MACROD2: variants seen among roughly 807,000 people sequenced by gnomAD.
MACROD2 encodes mono-ADP ribosylhydrolase 2.
In MACROD2, 36 loss-of-function variants were observed where a neutral mutation model predicts 70.4. That is an observed-to-expected ratio of 0.51 (90% CI 0.39 to 0.68). The LOEUF is 0.68. MACROD2 is among the 30% of genes least tolerant of loss of function. MACROD2 has a pLI of 0.00. For synonymous variants in MACROD2, 172 were observed against 178.8 expected, an observed-to-expected ratio of 0.96 and a Z score of 0.30; for missense variants, 496 against 538.4, an observed-to-expected ratio of 0.92 and a Z score of 0.78.
intron 10 of MACROD2, among the ~76,000 whole-genome samples, chr20:15,908,706 T>G (rs2065186057): frequency 6.6e-6 from 1 of 152,218 alleles, no homozygotes; most frequent in African/African-American, 2.4e-5. Context: ...AAAATGCACC[T>G]TTGCGGTGGT....
At chr20:14,700,792 G>A (rs886568770) in intron 5 of MACROD2, among the ~76,000 whole-genome samples, 1 of 152,034 alleles carries the variant, frequency 6.6e-6, no homozygotes, top group Non-Finnish European at 1.5e-5. Flanking sequence ...ACCAAACATA[G>A]GCATTTTGCT....
At chr20:15,798,918 G>A (rs1377898698) in intron 8 of MACROD2, among the ~76,000 whole-genome samples, 1 of 152,182 alleles carries the variant, frequency 6.6e-6, no homozygotes, top group Non-Finnish European at 1.5e-5. Context: ...TATTTCAGCA[G>A]GACCTTGGCT....
At chr20:15,370,436 C>G (rs1314853709) in intron 6 of MACROD2, among the ~76,000 whole-genome samples, 1 of 152,032 alleles carries the variant, frequency 6.6e-6, no homozygotes, top group Admixed American at 6.6e-5. Flanking sequence ...TGGTGGTGAG[C>G]TGATTGAGAG....
chr20:15,999,603 A>G (rs968598607), intron 15 of MACROD2, among the ~76,000 whole-genome samples: 2 of 152,026 alleles, frequency 1.3e-5, no homozygotes, highest in African/African-American at 4.8e-5. Context: ...ATTGCTATTT[A>G]TTTCTCCTCT....
chr20:14,410,109 G>A (rs2083733925), intron 3 of MACROD2, among the ~76,000 whole-genome samples: 1 of 151,896 alleles, frequency 6.6e-6, no homozygotes, highest in Non-Finnish European at 1.5e-5. Flanking sequence ...GCAAGAGTTT[G>A]TAGATTAATA....
intron 3 of MACROD2, among the ~76,000 whole-genome samples, chr20:14,145,502 T>A (rs1024776759): frequency 1.3e-5 from 2 of 152,218 alleles, no homozygotes; most frequent in African/African-American, 4.8e-5. Context: ...ATCATTATGC[T>A]TGAAATCACT....
intron 8 of MACROD2, among the ~76,000 whole-genome samples, chr20:15,567,233 TTTA>T (rs1443869428): frequency 2.6e-5 from 4 of 152,210 alleles, no homozygotes; most frequent in African/African-American, 9.7e-5. Context: ...TAGTCAAGAC[TTTA>T]TTATTTTATG....
intron 5 of MACROD2, among the ~76,000 whole-genome samples, chr20:15,143,142 T>G (rs541528327): frequency 6.6e-6 from 1 of 152,252 alleles, no homozygotes; most frequent in Admixed American, 6.5e-5. Context: ...TGTAAAAGTG[T>G]TCCCACTTCT....
At chr20:15,807,306 A>G (rs913510067) in intron 8 of MACROD2, among the ~76,000 whole-genome samples, 1 of 152,202 alleles carries the variant, frequency 6.6e-6, no homozygotes, top group East Asian at 1.9e-4. Flanking sequence ...TCGTTAGGCT[A>G]TGATTTTGGT....
intron 5 of MACROD2, among the ~76,000 whole-genome samples, chr20:14,970,372 A>G (rs907395380): frequency 6.6e-6 from 1 of 152,176 alleles, no homozygotes; most frequent in African/African-American, 2.4e-5. Context: ...ATTCATGTTA[A>G]GTCAAAATTA....
chr20:15,843,493 T>C (rs2064197023), intron 8 of MACROD2, among the ~76,000 whole-genome samples: 1 of 152,196 alleles, frequency 6.6e-6, no homozygotes, highest in South Asian at 2.1e-4. Context: ...GCTAAATAAA[T>C]AGGCCTGTTC....
At chr20:15,257,561 G>A (rs2077210158) in intron 6 of MACROD2, among the ~76,000 whole-genome samples, 1 of 152,028 alleles carries the variant, frequency 6.6e-6, no homozygotes, top group African/African-American at 2.4e-5. Flanking sequence ...GGTTAATATT[G>A]ATGGTCCCAT....
intron 8 of MACROD2, among the ~76,000 whole-genome samples, chr20:15,512,048 G>A (rs7346788): frequency 6.6e-6 from 1 of 152,180 alleles, no homozygotes; most frequent in Non-Finnish European, 1.5e-5. Context: ...ATAAGGAAAA[G>A]GCTATGTTAA....
chr20:14,965,624 C>T (rs751331621), intron 5 of MACROD2, among the ~76,000 whole-genome samples: 4 of 138,152 alleles, frequency 2.9e-5, no homozygotes, highest in Non-Finnish European at 6.5e-5. Context: ...CTATGCCCAG[C>T]TAATTTTTTT....
intron 5 of MACROD2, among the ~76,000 whole-genome samples, chr20:14,814,073 A>G (rs775419524): frequency 6.6e-6 from 1 of 152,120 alleles, no homozygotes; most frequent in Non-Finnish European, 1.5e-5. Flanking sequence ...AAAACCAAAT[A>G]GGTATTTCTT....
At chr20:15,980,336 C>T (rs2066379322) in intron 13 of MACROD2, among the ~76,000 whole-genome samples, 1 of 152,146 alleles carries the variant, frequency 6.6e-6, no homozygotes, top group African/African-American at 2.4e-5. Context: ...GGGAGGGTCT[C>T]TCTCTTCCCT....
intron 4 of MACROD2, among the ~76,000 whole-genome samples, chr20:14,527,632 G>A (rs1185343128): frequency 6.6e-6 from 1 of 152,192 alleles, no homozygotes; most frequent in Non-Finnish European, 1.5e-5. Flanking sequence ...TGGGGACAAT[G>A]TCTCACGCTG....
chr20:15,844,862 A>T (rs186050120), intron 8 of MACROD2, among the ~76,000 whole-genome samples: 6 of 152,254 alleles, frequency 3.9e-5, no homozygotes, highest in Non-Finnish European at 5.9e-5. Context: ...TGCCAGCTGC[A>T]TATTTTTTTT....
chr20:15,551,345 A>AT lies in MACROD2; in HGVS notation c.645+51498_645+51499insT, dbSNP rs200266538. On this transcript the variant is annotated intron_variant, in intron 8 of 17. Coordinates refer to ENST00000684519, the MANE Select transcript of MACROD2 (RefSeq NM_001351661.2). ...ATCTCTCATTTAATATTTAAAAAAA[A>AT]AAAAAAACTACATCTCTTGTCTTTT... 2.6e-3 allele frequency among the ~76,000 whole-genome samples: 396 copies of AT among 152,018 alleles called. 9 individuals are homozygous for AT. In the East Asian group the frequency reaches 0.05, roughly 19 times the overall value.
Sources: allele counts gnomAD v4.1 joint callset (sites outside exome capture counted in the v4.1 genomes callset), GRCh38; gene constraint gnomAD v4.1.1; transcripts MANE v1.5; gene names NCBI Gene and HGNC (gene_info 2026-07-23, HGNC 2026-07-21).